The following LHFPL3 variants were observed in gnomAD, a reference collection of about 807,000 sequenced individuals.
The protein encoded by LHFPL3 is LHFPL tetraspan subfamily member 3, also known as LHFPL tetraspan subfamily member 3 protein.
A neutral mutation model predicts 19.3 loss-of-function variants in LHFPL3; 5 were observed. The observed-to-expected ratio is 0.26, with a 90% CI of 0.14 to 0.54. The LOEUF (loss-of-function observed/expected upper bound fraction) is 0.54. Among genes scored for constraint, LHFPL3 ranks in the 20% least tolerant of loss-of-function variants. The pLI is 0.94. For missense variants in LHFPL3, 249 were observed against 307.4 expected, an observed-to-expected ratio of 0.81 and a Z score of 1.42; for synonymous variants, 133 against 126.2, an observed-to-expected ratio of 1.05 and a Z score of -0.36.
At chr7:104,835,587 T>TC (rs978054737) in intron 2 of LHFPL3, among the ~76,000 whole-genome samples, 41 of 151,386 alleles carry the variant, frequency 2.7e-4, no homozygotes, top group African/African-American at 9.0e-4. Flanking sequence ...TGTTTTCTTT[T>TC]TTTTTTTTTG....
At chr7:104,498,628 C>T (rs1793537367) in intron 1 of LHFPL3, among the ~76,000 whole-genome samples, 1 of 151,870 alleles carries the variant, frequency 6.6e-6, no homozygotes, top group Non-Finnish European at 1.5e-5. Flanking sequence ...CAGGCGCCTG[C>T]CACCACGCCC....
intron 1 of LHFPL3, among the ~76,000 whole-genome samples, chr7:104,639,863 T>A (rs1791797580): frequency 6.6e-6 from 1 of 152,252 alleles, no homozygotes; most frequent in Admixed American, 6.5e-5. Context: ...GGAAACATAC[T>A]TGAATTTCCC....
At chr7:104,769,672 A>G (rs1319474309) in intron 2 of LHFPL3, among the ~76,000 whole-genome samples, 1 of 143,056 alleles carries the variant, frequency 7.0e-6, no homozygotes, top group Non-Finnish European at 1.5e-5. Context: ...ATGTGTTCTC[A>G]TTGTTCAACT....
At chr7:104,824,856 TTATA>T (rs557793582) in intron 2 of LHFPL3, among the ~76,000 whole-genome samples, 1 of 132,782 alleles carries the variant, frequency 7.5e-6, no homozygotes, top group Non-Finnish European at 1.5e-5. Context: ...TATCTAATAA[TTATA>T]TATATTATCT....
At chr7:104,693,705 T>A in intron 1 of LHFPL3, among the ~76,000 whole-genome samples, 1 of 151,902 alleles carries the variant, frequency 6.6e-6, no homozygotes, top group East Asian at 1.9e-4. Context: ...TCTTTTTTTT[T>A]TTTTTTAAAG....
At position 104,461,621 on chromosome 7, in the gene LHFPL3, T is replaced by A. The variant is rs181248864; in HGVS notation, c.445+132397T>A. Among the ~76,000 whole-genome samples the A allele has an allele frequency of 5.3e-4, 80 of 152,242 alleles. 1 individual carries two copies. In the East Asian group the frequency reaches 0.012, roughly 24 times the overall value. On this transcript the variant is annotated intron_variant, in intron 1 of 2. Coordinates refer to ENST00000424859, the MANE Select transcript of LHFPL3 (RefSeq NM_199000.3). ...TCGTTACTGTAGCCCTGGAGTGTAG[T>A]TTGAAGTAAGGTAACATGAGCTTCC...
At chr7:104,867,913 G>T (rs1791758614) in intron 2 of LHFPL3, among the ~76,000 whole-genome samples, 1 of 152,184 alleles carries the variant, frequency 6.6e-6, no homozygotes, top group Non-Finnish European at 1.5e-5. Context: ...GGGATGCAAG[G>T]CTGGTTCAAC....
chr7:104,565,280 C>G (rs1228235260), intron 1 of LHFPL3, among the ~76,000 whole-genome samples: 1 of 152,132 alleles, frequency 6.6e-6, no homozygotes, highest in Non-Finnish European at 1.5e-5. Context: ...AAATTAAAAG[C>G]TCTCCAGAAA....
At chr7:104,405,213 A>T (rs550057969) in intron 1 of LHFPL3, among the ~76,000 whole-genome samples, 9 of 152,322 alleles carry the variant, frequency 5.9e-5, no homozygotes, top group Non-Finnish European at 1.3e-4. Flanking sequence ...TAGCAAAACA[A>T]TTTCAGTACT....
intron 2 of LHFPL3, among the ~76,000 whole-genome samples, chr7:104,791,268 G>T (rs1160711303): frequency 1.3e-5 from 2 of 152,174 alleles, no homozygotes; most frequent in Admixed American, 1.3e-4. Context: ...AAGGACAAAG[G>T]GAAATTCAAA....
intron 1 of LHFPL3, among the ~76,000 whole-genome samples, chr7:104,692,860 G>A (rs2116141049): frequency 6.6e-6 from 1 of 152,330 alleles, no homozygotes; most frequent in African/African-American, 2.4e-5. Context: ...ACTGCCTAGT[G>A]GAGCTGTGAG....
intron 1 of LHFPL3, among the ~76,000 whole-genome samples, chr7:104,687,376 TA>T (rs923082624): frequency 6.6e-6 from 1 of 152,234 alleles, no homozygotes; most frequent in Non-Finnish European, 1.5e-5. Context: ...TTTGGGTTTT[TA>T]TAGAGGCCTC....
At chr7:104,694,892 C>T (rs951422795) in intron 1 of LHFPL3, among the ~76,000 whole-genome samples, 4 of 152,218 alleles carry the variant, frequency 2.6e-5, no homozygotes, top group African/African-American at 4.8e-5. Context: ...GTGCTACATG[C>T]AGCACTGATG....
chr7:104,882,126 C>T (rs1792070586), intron 2 of LHFPL3, among the ~76,000 whole-genome samples: 1 of 152,242 alleles, frequency 6.6e-6, no homozygotes, highest in African/African-American at 2.4e-5. Flanking sequence ...ACACAGAATA[C>T]TATTTGGCAA....
intron 1 of LHFPL3, among the ~76,000 whole-genome samples, chr7:104,674,429 C>G (rs562243575): frequency 7.0e-6 from 1 of 143,356 alleles, no homozygotes; most frequent in Admixed American, 7.2e-5. Flanking sequence ...AGTGCAGTGG[C>G]GCAATCTTGG....
rs913996787 is a variant in LHFPL3, at chr7:104,876,268, A to C, written c.683-29919A>C. Among the ~76,000 whole-genome samples, 10 of 152,210 alleles carry C rather than the reference A, an allele frequency of 6.6e-5. No individual in the cohort carries two copies. In the East Asian group the frequency reaches 1.2e-3, roughly 18 times the overall value. On this transcript the variant is annotated intron_variant, in intron 2 of 2. Coordinates refer to ENST00000424859, the MANE Select transcript of LHFPL3 (RefSeq NM_199000.3). The stretch of plus-strand genomic sequence containing the variant: ...CCAAAAGCAATGGCAACAAAAGCCA[A>C]AATTGACAAATGGAATCTAATTAAA...
chr7:104,625,362 C>G (rs1445947754), intron 1 of LHFPL3, among the ~76,000 whole-genome samples: 1 of 152,162 alleles, frequency 6.6e-6, no homozygotes, highest in Non-Finnish European at 1.5e-5. Flanking sequence ...AAACAACAAA[C>G]AATTTTGCAT....
intron 1 of LHFPL3, among the ~76,000 whole-genome samples, chr7:104,403,885 C>T (rs1294216451): frequency 6.6e-6 from 1 of 152,138 alleles, no homozygotes; most frequent in Non-Finnish European, 1.5e-5. Flanking sequence ...GCCTCATTAC[C>T]TAAGAAGGAG....
chr7:104,636,627 T>C (rs939767178), intron 1 of LHFPL3, among the ~76,000 whole-genome samples: 3 of 152,108 alleles, frequency 2.0e-5, no homozygotes, highest in African/African-American at 7.2e-5. Flanking sequence ...TAAGAACATG[T>C]GGTGTTTGGT....
Sources: gnomAD v4.1 joint callset for allele counts (sites outside exome capture counted in the v4.1 genomes callset) on GRCh38, gnomAD v4.1.1 for gene constraint, MANE v1.5 for transcripts, NCBI Gene and HGNC (gene_info 2026-07-23, HGNC 2026-07-21) for gene names.